Variants in AUTS2 observed in about 807,000 individuals in gnomAD.
AUTS2 encodes activator of transcription and developmental regulator AUTS2, also known as autism susceptibility gene 2 protein.
Under a neutral mutation model 112.4 loss-of-function variants are expected in AUTS2, and 17 were observed. That is an observed-to-expected ratio of 0.15 (90% CI 0.10 to 0.23). The LOEUF is 0.23. Ranked by LOEUF, AUTS2 falls within the 10% of genes least tolerant of loss-of-function variation. AUTS2 has a pLI of 1.00. For missense variants in AUTS2, 1,510 were observed against 1,701.6 expected (o/e 0.89, Z 1.98); for synonymous variants, 751 against 702.7 (o/e 1.07, Z -1.09).
chr7:70,370,017 A>G (rs1792767384), intron 4 of AUTS2, among the ~76,000 whole-genome samples: 1 of 152,192 alleles, frequency 6.6e-6, no homozygotes, highest in African/African-American at 2.4e-5. Flanking sequence ...AACAGGCAAC[A>G]TTTAGGAGTG....
intron 1 of AUTS2, among the ~76,000 whole-genome samples, chr7:69,766,242 C>T (rs77074586): frequency 1.3e-5 from 2 of 152,064 alleles, no homozygotes; most frequent in Non-Finnish European, 2.9e-5. Flanking sequence ...CTTAACATAC[C>T]CTCAAGGTTC....
intron 4 of AUTS2, among the ~76,000 whole-genome samples, chr7:70,168,461 C>T (rs926307708): frequency 6.6e-5 from 10 of 152,194 alleles, no homozygotes; most frequent in East Asian, 1.9e-4. Flanking sequence ...GGACTACAGG[C>T]GCTGCCACCA....
chr7:70,601,918 G>A (rs1385675659), intron 5 of AUTS2, among the ~76,000 whole-genome samples: 2 of 152,122 alleles, frequency 1.3e-5, no homozygotes, highest in African/African-American at 2.4e-5. Context: ...ACAAGTGCTT[G>A]AAGAGTGTGA....
intron 4 of AUTS2, among the ~76,000 whole-genome samples, chr7:70,365,754 A>G (rs1411602318): frequency 2.0e-5 from 3 of 152,248 alleles, no homozygotes; most frequent in African/African-American, 7.2e-5. Flanking sequence ...TTAGTAATGA[A>G]CCAAAGCTGT....
At chr7:70,310,319 A>G (rs970756499) in intron 4 of AUTS2, among the ~76,000 whole-genome samples, 4 of 152,036 alleles carry the variant, frequency 2.6e-5, no homozygotes, top group Admixed American at 2.0e-4. Context: ...CTAAGAAATA[A>G]GTCAGCTGAG....
intron 4 of AUTS2, among the ~76,000 whole-genome samples, chr7:70,417,970 A>G (rs1348450363): frequency 8.6e-5 from 13 of 152,036 alleles, no homozygotes; most frequent in Non-Finnish European, 4.4e-5. Context: ...AGCTCCTTGG[A>G]GGCTAAGGAT....
intron 5 of AUTS2, among the ~76,000 whole-genome samples, chr7:70,481,848 C>T (rs1405911490): frequency 1.3e-5 from 2 of 152,110 alleles, no homozygotes; most frequent in East Asian, 1.9e-4. Context: ...TAAAGCTTGT[C>T]CTCTTAAACG....
intron 6 of AUTS2, among the ~76,000 whole-genome samples, chr7:70,708,239 A>G (rs1245325180): frequency 3.3e-5 from 5 of 152,158 alleles, no homozygotes; most frequent in Admixed American, 3.3e-4. Flanking sequence ...TTCCATAGTA[A>G]AGCTCCTCTC....
At chr7:70,128,673 T>C (rs943944710) in intron 3 of AUTS2, among the ~76,000 whole-genome samples, 6 of 152,172 alleles carry the variant, frequency 3.9e-5, no homozygotes, top group Admixed American at 1.3e-4. Flanking sequence ...TTCTAGCCCA[T>C]GCTAAGGAGG....
At chr7:70,768,475 C>A (rs1048071345) in intron 10 of AUTS2, among the ~76,000 whole-genome samples, 1 of 152,136 alleles carries the variant, frequency 6.6e-6, no homozygotes, top group Non-Finnish European at 1.5e-5. Context: ...AGTCCCTTGT[C>A]TTTTTGACTC....
intron 1 of AUTS2, among the ~76,000 whole-genome samples, chr7:69,703,392 C>G (rs953174233): frequency 6.6e-6 from 1 of 152,182 alleles, no homozygotes; most frequent in African/African-American, 2.4e-5. Flanking sequence ...CCTTTTGGAT[C>G]TCCTCACACC....
At chr7:69,990,510 G>T (rs1798702864) in intron 2 of AUTS2, among the ~76,000 whole-genome samples, 1 of 152,132 alleles carries the variant, frequency 6.6e-6, no homozygotes, top group African/African-American at 2.4e-5. Context: ...ACTACTAAGA[G>T]GTGTGCGTGT....
chr7:70,741,884 C>T (rs1788135972), intron 6 of AUTS2, among the ~76,000 whole-genome samples: 1 of 152,108 alleles, frequency 6.6e-6, no homozygotes, highest in Non-Finnish European at 1.5e-5. Context: ...GTGCTACACT[C>T]GTAGCACACA....
intron 4 of AUTS2, among the ~76,000 whole-genome samples, chr7:70,173,202 C>G (rs1808796077): frequency 1.3e-5 from 2 of 151,984 alleles, no homozygotes; most frequent in Admixed American, 1.3e-4. Flanking sequence ...CACAGTGAAA[C>G]CCTGTCTCTA....
At chr7:69,810,036 C>T (rs1790479284) in intron 1 of AUTS2, among the ~76,000 whole-genome samples, 1 of 152,106 alleles carries the variant, frequency 6.6e-6, no homozygotes, top group Non-Finnish European at 1.5e-5. Context: ...AGATAAAGCC[C>T]ACACTTCCCA....
intron 5 of AUTS2, among the ~76,000 whole-genome samples, chr7:70,535,570 C>G (rs1388992808): frequency 1.3e-5 from 2 of 152,162 alleles, no homozygotes; most frequent in African/African-American, 4.8e-5. Context: ...ACCCGCCACC[C>G]CACCCAGCTC....
chr7:70,639,822 G>C (rs905124829), intron 5 of AUTS2, among the ~76,000 whole-genome samples: 1 of 151,868 alleles, frequency 6.6e-6, no homozygotes, highest in African/African-American at 2.4e-5. Context: ...TCATTTACTT[G>C]CCTCAGTTTC....
chr7:70,652,916 G>A (rs934965209), intron 5 of AUTS2, among the ~76,000 whole-genome samples: 5 of 151,948 alleles, frequency 3.3e-5, no homozygotes, highest in Admixed American at 2.0e-4. Flanking sequence ...TCCTGATATC[G>A]TTTATATGAC....
intron 1 of AUTS2, among the ~76,000 whole-genome samples, chr7:69,696,099 T>C (rs1797548953): frequency 6.6e-6 from 1 of 152,238 alleles, no homozygotes; most frequent in Admixed American, 6.5e-5. Flanking sequence ...TGGGTGAGAA[T>C]TCACTTTTCT....
Sources: allele counts gnomAD v4.1 joint callset (sites outside exome capture counted in the v4.1 genomes callset), GRCh38; gene constraint gnomAD v4.1.1; transcripts MANE v1.5; gene names NCBI Gene and HGNC (gene_info 2026-07-23, HGNC 2026-07-21).